The following PBX1 variants were observed in gnomAD, a reference collection of about 807,000 sequenced individuals.
The protein encoded by PBX1 is PBX homeobox 1.
In PBX1, 6 loss-of-function variants were observed where a neutral mutation model predicts 53.4. The observed-to-expected ratio is 0.11, with a 90% CI of 0.06 to 0.22. The LOEUF is 0.22. Ranked by LOEUF, PBX1 falls within the 10% of genes least tolerant of loss-of-function variation. The probability of loss-of-function intolerance (pLI) is 1.00; values close to 1 mark genes in which losing one functional copy is unlikely to be tolerated. For synonymous variants in PBX1, 204 were observed against 212.3 expected, an observed-to-expected ratio of 0.96 and a Z score of 0.34; for missense variants, 251 against 551.4, an observed-to-expected ratio of 0.46 and a Z score of 5.46.
At chr1:164,640,592 T>C (rs1659076104) in intron 2 of PBX1, among the ~76,000 whole-genome samples, 1 of 150,174 alleles carries the variant, frequency 6.7e-6, no homozygotes, top group Non-Finnish European at 1.5e-5. Flanking sequence ...AATTTTGCTC[T>C]GTTGCCCAGG....
chr1:164,699,294 T>G (rs1278778487), intron 2 of PBX1, among the ~76,000 whole-genome samples: 1 of 152,240 alleles, frequency 6.6e-6, no homozygotes, highest in Non-Finnish European at 1.5e-5. Context: ...CAAATAGTTT[T>G]GGTAAAGCTC....
intron 2 of PBX1, among the ~76,000 whole-genome samples, chr1:164,731,541 C>T (rs61801349): frequency 9.6e-4 from 146 of 152,196 alleles, no homozygotes; most frequent in African/African-American, 3.2e-3. Flanking sequence ...CTGTGAATGC[C>T]GTTGAAAGGG....
intron 2 of PBX1, among the ~76,000 whole-genome samples, chr1:164,666,566 TCATAGAACTG>T (rs11278174): frequency 0.033 from 5,057 of 152,186 alleles, 120 homozygotes; most frequent in Admixed American, 0.056. Flanking sequence ...CTTGATAAAC[TCATAGAACTG>T]TGGGGCCTCT....
At chr1:164,857,049 A>G (rs1671993633) in intron 2 of PBX1, among the ~76,000 whole-genome samples, 1 of 152,098 alleles carries the variant, frequency 6.6e-6, no homozygotes, top group African/African-American at 2.4e-5. Flanking sequence ...GTGTCCTACA[A>G]TCCAACTCAA....
At chr1:164,719,866 T>C (rs1013828638) in intron 2 of PBX1, among the ~76,000 whole-genome samples, 3 of 152,122 alleles carry the variant, frequency 2.0e-5, no homozygotes, top group Non-Finnish European at 4.4e-5. Context: ...ATCAGAGCAA[T>C]GTGGACATGG....
chr1:164,774,834 G>A (rs181042544), intron 2 of PBX1, among the ~76,000 whole-genome samples: 3 of 152,162 alleles, frequency 2.0e-5, no homozygotes, highest in South Asian at 2.1e-4. Context: ...ACACCACATC[G>A]TGCCAACAAC....
intron 2 of PBX1, among the ~76,000 whole-genome samples, chr1:164,616,193 C>T (rs1198633424): frequency 1.3e-5 from 2 of 152,014 alleles, no homozygotes. Flanking sequence ...GGGATGATTC[C>T]GTGTGTCAAC....
Position 164,799,764 on chromosome 1 carries a change from C to A in PBX1, c.576C>A (p.Ile192=), listed in dbSNP as rs770880553. ...GAGAGCAAAGCCGGACCAGGCCCAT[C>A]TCCCCAAAGGAGATTGAGCGGATGG... is the stretch of plus-strand genomic sequence containing the variant. ...LLREQSRTRP[I]SPKEIERMVS... The change falls in exon 4 of 9, where the codon ATC becomes ATA. Residue 192 remains isoleucine, a synonymous_variant. Transcript: ENST00000420696. 2 of 1,614,058 alleles carry A rather than the reference C, an allele frequency of 1.2e-6. No individual in the cohort carries two copies. Among genetic ancestry groups the A allele is most frequent in the South Asian group, 2.2e-5 (2 of 91,074 alleles).
intron 2 of PBX1, among the ~76,000 whole-genome samples, chr1:164,693,048 C>T (rs144394324): frequency 2.2e-3 from 339 of 152,330 alleles, no homozygotes; most frequent in African/African-American, 7.8e-3. Context: ...TTCCCTGAGA[C>T]CACTGTTCGC....
intron 2 of PBX1, among the ~76,000 whole-genome samples, chr1:164,637,932 T>C (rs1304363028): frequency 6.6e-6 from 1 of 152,238 alleles, no homozygotes; most frequent in Non-Finnish European, 1.5e-5. Flanking sequence ...TTTGTGCAAC[T>C]ATCAGGTGCA....
intron 2 of PBX1, among the ~76,000 whole-genome samples, chr1:164,649,761 T>G (rs1659678926): frequency 6.6e-6 from 1 of 152,216 alleles, no homozygotes; most frequent in African/African-American, 2.4e-5. Context: ...AAAATGACCA[T>G]GCTGGGTCTG....
At chr1:164,688,651 G>T (rs1002498434) in intron 2 of PBX1, among the ~76,000 whole-genome samples, 14 of 152,106 alleles carry the variant, frequency 9.2e-5, no homozygotes, top group African/African-American at 3.4e-4. Flanking sequence ...CTTTTTTAAG[G>T]TCTTCATCAA....
At chr1:164,692,795 G>A (rs1662570311) in intron 2 of PBX1, among the ~76,000 whole-genome samples, 1 of 152,112 alleles carries the variant, frequency 6.6e-6, no homozygotes, top group Non-Finnish European at 1.5e-5. Context: ...GAAATTTTCT[G>A]GAGCATTAGC....
In PBX1 at chr1:164,792,605, C is replaced by T. The variant is rs768635810; in HGVS notation, c.377C>T (p.Ser126Leu). The change falls in exon 3 of 9, where the codon TCG becomes TTG. Residue 126 changes from serine to leucine, a missense_variant. Ser to Leu is a moderately radical substitution (Grantham distance 145, BLOSUM62 -2). Coordinates refer to ENST00000420696, the MANE Select transcript of PBX1 (RefSeq NM_002585.4). ...GVAGPEKGGGSAAAAAAAAAS... is the reference protein window; with the variant it reads ...GVAGPEKGGGLAAAAAAAAAS... ...GCGGGGCCTGAGAAGGGCGGAGGGT[C>T]GGCGGCAGCGGCGGCAGCGGCGGCG... 2.5e-6 allele frequency: 4 copies of T among 1,612,652 alleles called. No homozygotes were observed. The highest frequency in any genetic ancestry group is 3.4e-6 in the Non-Finnish European group (4 of 1,179,376).
intron 2 of PBX1, among the ~76,000 whole-genome samples, chr1:164,691,752 G>C (rs1557945799): frequency 6.6e-6 from 1 of 152,134 alleles, no homozygotes; most frequent in Non-Finnish European, 1.5e-5. Flanking sequence ...GCTCAAGTTA[G>C]CAGGCATATT....
Position 164,849,078 on chromosome 1 carries a change from A to G in PBX1, c.*2402A>G. Reference sequence around the variant, plus strand: ...CATCTTAGTGGCAGGAATATAATGAAACTACCCACGCAAGAACATGGTTGA... The same window carrying G: ...CATCTTAGTGGCAGGAATATAATGAGACTACCCACGCAAGAACATGGTTGA... On this transcript the variant is annotated 3_prime_UTR_variant, in exon 9 of 9. Transcript: ENST00000420696. 2.3e-6 allele frequency: 3 copies of G among 1,310,478 alleles called. No homozygotes were observed. The highest frequency in any genetic ancestry group is 2.0e-6 in the Non-Finnish European group (2 of 1,025,366). 81.2% of individuals were successfully genotyped at this position (1,310,478 alleles called of 1,614,324 possible).
chr1:164,672,456 G>A lies in PBX1; in HGVS notation c.265+109145G>A, dbSNP rs934002774. Among the ~76,000 whole-genome samples, 4 of 152,298 alleles carry A rather than the reference G, an allele frequency of 2.6e-5. No homozygotes were observed. The South Asian group carries it at 6.2e-4, about 24-fold the overall frequency. ...TAGATCTCGATACTGAGACGTGACT[G>A]TTATGCTGATAAAGGCAAGAGATCA... On this transcript the variant is annotated intron_variant, in intron 2 of 8. Transcript: ENST00000420696.
chr1:164,793,021 C>G (rs1362698411), intron 3 of PBX1, among the ~76,000 whole-genome samples: 1 of 152,214 alleles, frequency 6.6e-6, no homozygotes, highest in Admixed American at 6.5e-5. Context: ...AGAAGGAACA[C>G]TCCATACCTG....
chr1:164,703,218 A>C (rs761409341), intron 2 of PBX1: 1 of 152,150 alleles, frequency 6.6e-6, no homozygotes, highest in Non-Finnish European at 1.5e-5. Flanking sequence ...CCCAATTGGC[A>C]TAGCGCACTA....
Sources: gnomAD v4.1 joint callset for allele counts (sites outside exome capture counted in the v4.1 genomes callset) on GRCh38, gnomAD v4.1.1 for gene constraint, MANE v1.5 for transcripts, NCBI Gene and HGNC (gene_info 2026-07-23, HGNC 2026-07-21) for gene names.